C16orf87: variants seen among roughly 807,000 people sequenced by gnomAD.
C16orf87 encodes the protein UPF0547 protein C16orf87.
C16orf87 carries 13 observed loss-of-function variants against 21.0 expected under a neutral mutation model. That is an observed-to-expected ratio of 0.62 (90% CI 0.40 to 0.98). C16orf87 has a LOEUF of 0.98. Ranked by LOEUF, C16orf87 falls within the 50% of genes least tolerant of loss-of-function variation. C16orf87 has a pLI of 0.00. For missense variants in C16orf87, 113 were observed against 180.4 expected, an observed-to-expected ratio of 0.63 and a Z score of 2.14; for synonymous variants, 49 against 60.2, an observed-to-expected ratio of 0.81 and a Z score of 0.86.
At chr16:46,808,527 T>C (rs867973671) in intron 3 of C16orf87, among the ~76,000 whole-genome samples, 4 of 152,114 alleles carry the variant, frequency 2.6e-5, no homozygotes, top group African/African-American at 9.7e-5. Flanking sequence ...TCACAAATAG[T>C]GTAAGAAATT....
At chr16:46,826,224 A>C (rs569903667) in intron 1 of C16orf87, among the ~76,000 whole-genome samples, 1 of 152,328 alleles carries the variant, frequency 6.6e-6, no homozygotes, top group African/African-American at 2.4e-5. Context: ...TCATTGAAAA[A>C]ATTTTTTAGT....
chr16:46,825,529 AT>A (rs1959581767), intron 1 of C16orf87, among the ~76,000 whole-genome samples: 1 of 152,238 alleles, frequency 6.6e-6, no homozygotes, highest in Non-Finnish European at 1.5e-5. Context: ...ATCATGGAAA[AT>A]TGGGTATTCA....
chr16:46,816,599 G>A (rs924694105), intron 2 of C16orf87, among the ~76,000 whole-genome samples: 16 of 152,090 alleles, frequency 1.1e-4, no homozygotes, highest in African/African-American at 3.9e-4. Flanking sequence ...GAAAAATAAA[G>A]GAAAGATCCA....
chr16:46,814,029 T>C (rs775650858), intron 2 of C16orf87, among the ~76,000 whole-genome samples: 2 of 151,842 alleles, frequency 1.3e-5, no homozygotes, highest in African/African-American at 2.4e-5. Context: ...CAAAATCCCA[T>C]TGAATGAGAA....
At chr16:46,804,841 TA>T (rs2143046088) in intron 3 of C16orf87, among the ~76,000 whole-genome samples, 1 of 152,360 alleles carries the variant, frequency 6.6e-6, no homozygotes, top group African/African-American at 2.4e-5. Flanking sequence ...AAACTTCATA[TA>T]AATGGCATCA....
chr16:46,828,558 T>C (rs1322417640), intron 1 of C16orf87, among the ~76,000 whole-genome samples: 1 of 152,228 alleles, frequency 6.6e-6, no homozygotes, highest in Non-Finnish European at 1.5e-5. Flanking sequence ...ATATGTTCAA[T>C]AGAAGCCTGC....
In C16orf87 at chr16:46,798,415, G is replaced by C. The variant is rs1967675519; in HGVS notation, c.*4537C>G. The C allele has an allele frequency of 6.6e-6, 1 of 152,504 alleles. No homozygotes were observed. Among genetic ancestry groups the C allele is most frequent in the South Asian group, 2.1e-4 (1 of 4,842 alleles). 9.4% of individuals were successfully genotyped at this position (152,504 alleles called of 1,614,324 possible). ...TCCAGCTACTCAGGAGGCTAAGGCAGGAGAATCGCTTGAACTCGGGAGGCA... is the reference window on the plus strand; with the variant it reads ...TCCAGCTACTCAGGAGGCTAAGGCACGAGAATCGCTTGAACTCGGGAGGCA... On this transcript the variant is annotated 3_prime_UTR_variant, in exon 4 of 4. Transcript: ENST00000285697.
intron 3 of C16orf87, among the ~76,000 whole-genome samples, chr16:46,803,718 T>G (rs1183801001): frequency 6.6e-6 from 1 of 151,698 alleles, no homozygotes. Context: ...TTTATAAAAC[T>G]TGTTAAAAAA....
At position 46,824,747 on chromosome 16, in the gene C16orf87, C is replaced by T. The variant is rs966855198; in HGVS notation, c.67-265G>A. ...GTGGCATGATCTAGGCTCACTGCAACCTCCACCTCCTGAGTTCAAGTGATT... is the reference window on the plus strand; with the variant it reads ...GTGGCATGATCTAGGCTCACTGCAATCTCCACCTCCTGAGTTCAAGTGATT... On this transcript the variant is annotated intron_variant, in intron 1 of 3. Transcript: ENST00000285697. Among the ~76,000 whole-genome samples the T allele has an allele frequency of 2.0e-5, 3 of 148,884 alleles. No individual in the cohort carries two copies. In the Admixed American group the frequency reaches 2.0e-4, roughly 10 times the overall value.
intron 3 of C16orf87, chr16:46,808,006 TATTTC>T (rs1967978592): frequency 1.1e-5 from 5 of 455,750 alleles, no homozygotes; most frequent in South Asian, 7.8e-5. Context: ...GCATTCCCTC[TATTTC>T]AACTGAAAAG....
intron 2 of C16orf87, among the ~76,000 whole-genome samples, chr16:46,811,472 C>T (rs1003389557): frequency 7.2e-6 from 1 of 139,440 alleles, no homozygotes; most frequent in Admixed American, 7.6e-5. Flanking sequence ...CATTGTATTA[C>T]AGCATGAGCA....
chr16:46,825,643 G>A (rs1296749725), intron 1 of C16orf87, among the ~76,000 whole-genome samples: 1 of 152,078 alleles, frequency 6.6e-6, no homozygotes, highest in East Asian at 1.9e-4. Flanking sequence ...TGGGCGCAGT[G>A]GCTCACACCT....
At chr16:46,804,762 T>G (rs1967875699) in intron 3 of C16orf87, among the ~76,000 whole-genome samples, 1 of 152,166 alleles carries the variant, frequency 6.6e-6, no homozygotes, top group South Asian at 2.1e-4. Context: ...TTCCAGCCAA[T>G]CCCTCTCTAC....
At chr16:46,826,886 C>T (rs1220147685) in intron 1 of C16orf87, among the ~76,000 whole-genome samples, 1 of 152,188 alleles carries the variant, frequency 6.6e-6, no homozygotes, top group Non-Finnish European at 1.5e-5. Flanking sequence ...TACTCAACAG[C>T]TCCTTTCCTA....
At chr16:46,804,291 AGCATCATGCT>A (rs2143042540) in intron 3 of C16orf87, among the ~76,000 whole-genome samples, 1 of 152,334 alleles carries the variant, frequency 6.6e-6, no homozygotes, top group African/African-American at 2.4e-5. Context: ...CTCTTTCATC[AGCATCATGCT>A]GGAGACTCTC....
intron 2 of C16orf87, among the ~76,000 whole-genome samples, chr16:46,815,457 G>T (rs970564505): frequency 1.3e-5 from 2 of 149,860 alleles, no homozygotes; most frequent in Non-Finnish European, 3.0e-5. Flanking sequence ...AGACTGAAAA[G>T]GCAATACATG....
intron 2 of C16orf87, among the ~76,000 whole-genome samples, chr16:46,811,276 G>C (rs415018): frequency 1.3e-5 from 2 of 151,868 alleles, no homozygotes; most frequent in Admixed American, 1.3e-4. Context: ...AGCCAAGGCG[G>C]GTGGATCACC....
At chr16:46,830,307 A>AGAGAGAGAGAGAGACAGAGAGAGAGT (rs758468161) in intron 1 of C16orf87, among the ~76,000 whole-genome samples, 1 of 109,142 alleles carries the variant, frequency 9.2e-6, no homozygotes, top group Non-Finnish European at 1.8e-5. Context: ...AGAGAGAGAG[A>AGAGAGAGAGAGAGACAGAGAGAGAGT]GACACACAGA....
At chr16:46,812,388 T>G (rs1197210262) in intron 2 of C16orf87, among the ~76,000 whole-genome samples, 2 of 152,166 alleles carry the variant, frequency 1.3e-5, no homozygotes, top group Non-Finnish European at 2.9e-5. Context: ...TAATAAGAAA[T>G]TATCATTAAT....
Sources: allele counts gnomAD v4.1 joint callset (sites outside exome capture counted in the v4.1 genomes callset), GRCh38; gene constraint gnomAD v4.1.1; transcripts MANE v1.5; gene names NCBI Gene and HGNC (gene_info 2026-07-23, HGNC 2026-07-21).